The following IGFN1 variants were observed in gnomAD, a reference collection of about 807,000 sequenced individuals.
The protein encoded by IGFN1 is immunoglobulin-like and fibronectin type III domain-containing protein 1.
In IGFN1, 253 loss-of-function variants were observed where a neutral mutation model predicts 289.5. That is an observed-to-expected ratio of 0.87 (90% confidence interval 0.79 to 0.97). The LOEUF (loss-of-function observed/expected upper bound fraction) is 0.97, where lower values mean the gene tolerates loss of function less well. IGFN1 is among the 50% of genes least tolerant of loss of function. The pLI, the probability that IGFN1 is intolerant of heterozygous loss-of-function variation, is 0.00. For missense variants in IGFN1, 4,470 were observed against 4,686.1 expected, an observed-to-expected ratio of 0.95 and a Z score of 1.35; for synonymous variants, 1,706 against 1,788.5, an observed-to-expected ratio of 0.95 and a Z score of 1.16.
chr1:201,226,886 G>A lies in IGFN1; in HGVS notation c.10791G>A (p.Arg3597=), dbSNP rs141878663. The A allele has an allele frequency of 1.3e-6, 2 of 1,581,704 alleles. No homozygotes were observed. Among genetic ancestry groups the A allele is most frequent in the African/African-American group, 1.3e-5 (1 of 74,106 alleles). ...TCACCCCGGCTTTCACCACAGACAG[G>A]TTCACAGTGAAGGCTCCGTGCTACC... ...QPWCIPRQRD[R]FTVKAPCYRE... is the part of the protein sequence containing the mutation. The change falls in exon 23 of 24, where the codon AGG becomes AGA. Residue 3597 remains arginine, a synonymous_variant. Coordinates refer to ENST00000335211, the MANE Select transcript of IGFN1 (RefSeq NM_001164586.2).
At chr1:201,196,107 CTCCAT>C in intron 4 of IGFN1, 129 bp downstream of exon 4, 5 of 956,590 alleles carry the variant, frequency 5.2e-6, no homozygotes, top group Non-Finnish European at 4.5e-6. Context: ...ATCCATTCAA[CTCCAT>C]CTCGTGACTC....
Position 201,213,501 on chromosome 1 carries a change from G to C in IGFN1, c.8608G>C (p.Gly2870Arg). Reference protein sequence around the residue: ...DQSREPPGHLGSRRSGKDGRL... With the variant: ...DQSREPPGHLRSRRSGKDGRL... ...GAGCCGGGAGCCCCCTGGTCACCTTGGTAGCAGGAGAAGTGGCAAAGACGG... is the reference window on the plus strand; with the variant it reads ...GAGCCGGGAGCCCCCTGGTCACCTTCGTAGCAGGAGAAGTGGCAAAGACGG... The change falls in exon 12 of 24, where the codon GGT becomes CGT. Residue 2870 changes from glycine to arginine, a missense_variant. Around this residue, in one of 8 missense-constraint regions of IGFN1, gnomAD observed 2,218 missense variants for 2,114.1 expected, o/e 1.05. Coordinates refer to ENST00000335211, the MANE Select transcript of IGFN1 (RefSeq NM_001164586.2). The C allele has an allele frequency of 6.2e-7, 1 of 1,614,072 alleles. No homozygotes were observed. The highest frequency in any genetic ancestry group is 8.5e-7 in the Non-Finnish European group (1 of 1,179,972).
At position 201,209,393 on chromosome 1, in the gene IGFN1, G is replaced by A. The variant is rs372462219; in HGVS notation, c.4500G>A (p.Gly1500=). ...AGGCAGGCTATAGGAAAGATTTGGG[G>A]GTTTCTGAGGGAGGGGGTTCAGGGA... ...LIEAGYRKDL[G]VSEGGGSGSK... The change falls in exon 12 of 24, where the codon GGG becomes GGA. Residue 1500 remains glycine (G), a synonymous_variant. Transcript: ENST00000335211. 8.6e-6 allele frequency: 13 copies of A among 1,520,336 alleles called. No homozygotes were observed. In the East Asian group the frequency reaches 9.8e-5, roughly 11 times the overall value. The allele number at this position is 1,520,336 out of a possible 1,614,324, so 94.2% of individuals were successfully genotyped here.
In IGFN1 at chr1:201,206,381, G is replaced by A. The variant is rs1171669861; in HGVS notation, c.1488G>A (p.Glu496=). 5 of 1,550,520 alleles carry A rather than the reference G, an allele frequency of 3.2e-6. No individual in the cohort carries two copies. The South Asian group carries it at 5.9e-5, about 18-fold the overall frequency. The change falls in exon 12 of 24, where the codon GAG becomes GAA. Residue 496 remains glutamate, a synonymous_variant. Coordinates refer to ENST00000335211, the MANE Select transcript of IGFN1 (RefSeq NM_001164586.2). The part of the protein sequence containing the change: ...GQEGEGFPVA[E]GSRATLPREN... Reference sequence around the variant, plus strand: ...AGGGCGAGGGCTTTCCAGTAGCAGAGGGAAGCAGAGCCACTCTTCCCAGGG... The same window carrying A: ...AGGGCGAGGGCTTTCCAGTAGCAGAAGGAAGCAGAGCCACTCTTCCCAGGG...
In IGFN1 at chr1:201,214,308, C is replaced by T. The variant is rs41308361; in HGVS notation, c.8853+7C>T. ...GTTTAAGGATGGCGTCAAGGTACTG[C>T]CTCCCCTCACACCTTCTCTTTACCA... On this transcript the variant is annotated splice_region_variant and intron_variant, in intron 13 of 23. Coordinates refer to ENST00000335211, the MANE Select transcript of IGFN1 (RefSeq NM_001164586.2). 11,348 of 1,603,794 alleles carry T rather than the reference C, an allele frequency of 7.1e-3. 66 individuals carry two copies. The highest frequency in any genetic ancestry group is 8.7e-3 in the Non-Finnish European group (10,147 of 1,172,244).
Position 201,206,438 on chromosome 1 carries a change from C to T in IGFN1, c.1545C>T (p.Ala515=), listed in dbSNP as rs1270803794. The part of the protein sequence containing the change: ...ENQSHREGGW[A]RSLAERPHLQ... Reference sequence around the variant, plus strand: ...AATCCCACAGAGAGGGAGGCTGGGCCAGAAGCCTTGCAGAGAGGCCCCATC... The same window carrying T: ...AATCCCACAGAGAGGGAGGCTGGGCTAGAAGCCTTGCAGAGAGGCCCCATC... The change falls in exon 12 of 24, where the codon GCC becomes GCT. Residue 515 remains alanine (A), a synonymous_variant. Coordinates refer to ENST00000335211, the MANE Select transcript of IGFN1 (RefSeq NM_001164586.2). 2 of 1,551,074 alleles carry T rather than the reference C, an allele frequency of 1.3e-6. No individual in the cohort carries two copies. The highest frequency in any genetic ancestry group is 1.7e-6 in the Non-Finnish European group (2 of 1,146,996).
At position 201,216,624 on chromosome 1, in the gene IGFN1, G is replaced by T. The variant is rs143770388; in HGVS notation, c.9466G>T (p.Ala3156Ser). The change falls in exon 16 of 24, where the codon GCT becomes TCT. Residue 3156 changes from alanine (A) to serine (S), a missense_variant. Around this residue, in one of 8 missense-constraint regions of IGFN1, gnomAD observed 2,218 missense variants for 2,114.1 expected, o/e 1.05. Transcript: ENST00000335211. ...STWLKVGEAP[A>S]DSTTFTDAHV... ...TTGGCTGAAGGTGGGCGAGGCCCCCGCTGACAGCACCACCTTCACGGATGC... is the reference window on the plus strand; with the variant it reads ...TTGGCTGAAGGTGGGCGAGGCCCCCTCTGACAGCACCACCTTCACGGATGC... The T allele has an allele frequency of 6.2e-7, 1 of 1,613,890 alleles. No individual in the cohort carries two copies. The highest frequency in any genetic ancestry group is 8.5e-7 in the Non-Finnish European group (1 of 1,179,910).
At chr1:201,201,669 G>A (rs910858912) in intron 8 of IGFN1, 50 bp from the exon 9 acceptor site, 25 of 1,013,336 alleles carry the variant, frequency 2.5e-5, no homozygotes, top group South Asian at 4.1e-5. Flanking sequence ...AGAGTACCCC[G>A]AAGAGAGAGC....
At position 201,211,736 on chromosome 1, in the gene IGFN1, G is replaced by T; in HGVS notation, c.6843G>T (p.Gly2281=). The T allele has an allele frequency of 6.5e-7, 1 of 1,536,922 alleles. No individual in the cohort carries two copies. Among genetic ancestry groups the T allele is most frequent in the Non-Finnish European group, 8.7e-7 (1 of 1,146,770 alleles). The part of the protein sequence containing the change: ...GLGSSGKISS[G]DEAGYKNVLG... ...GCAGTTCTGGAAAAATCAGTTCAGGGGATGAGGCAGGTTATAAGAATGTTT... is the reference window on the plus strand; with the variant it reads ...GCAGTTCTGGAAAAATCAGTTCAGGTGATGAGGCAGGTTATAAGAATGTTT... The change falls in exon 12 of 24, where the codon GGG becomes GGT. Residue 2281 remains glycine, a synonymous_variant. Coordinates refer to ENST00000335211, the MANE Select transcript of IGFN1 (RefSeq NM_001164586.2).
intron 15 of IGFN1, chr1:201,216,099 T>G (rs2102356460): frequency 1.5e-6 from 1 of 683,950 alleles, no homozygotes; most frequent in East Asian, 2.8e-5. Context: ...CCTCAGGAAG[T>G]TGCTGGGTAG....
Position 201,206,973 on chromosome 1 carries a change from T to C in IGFN1, c.2080T>C (p.Ser694Pro), listed in dbSNP as rs1667456812. 6.5e-7 allele frequency: 1 copy of C among 1,536,046 alleles called. No homozygotes were observed. The highest frequency in any genetic ancestry group is 2.0e-5 in the Admixed American group (1 of 50,942). Residue 694 changes from serine (S) to proline (P), a missense_variant, in exon 12 of 24, where the codon TCC becomes CCC. By Grantham distance (74) the Ser-to-Pro change is moderately conservative. Around this residue, in one of 8 missense-constraint regions of IGFN1, gnomAD observed 2,011 missense variants for 1,953.4 expected, o/e 1.03. Transcript: ENST00000335211. ...CTCCAAGGTGGGCATGGCCCCTGAA[T>C]CCTGGGGTTCTCAGGGAGGTAGAGA... Reference protein sequence around the residue: ...SGSKVGMAPESWGSQGGRDAD... With the variant: ...SGSKVGMAPEPWGSQGGRDAD...
In IGFN1 at chr1:201,200,759, T is replaced by C. The variant is rs1317510032; in HGVS notation, c.633+348T>C. On this transcript the variant is annotated intron_variant, in intron 8 of 23. Coordinates refer to ENST00000335211, the MANE Select transcript of IGFN1 (RefSeq NM_001164586.2). ...AGAGAATGTAATTAAAGTACTTAGCTTAGTGCCTTGATTTTTGCTATCATT... is the reference window on the plus strand; with the variant it reads ...AGAGAATGTAATTAAAGTACTTAGCCTAGTGCCTTGATTTTTGCTATCATT... Among the ~76,000 whole-genome samples the C allele has an allele frequency of 2.6e-5, 4 of 152,216 alleles. No homozygotes were observed. The East Asian group carries it at 7.7e-4, about 29-fold the overall frequency.
In IGFN1 at chr1:201,206,222, C is replaced by G. The variant is rs1667412244; in HGVS notation, c.1329C>G (p.Gly443=). ...CCAGAGAGCAGGGCCCCAGGGGGGG[C>G]TCCCTTGAAGGGGCTGGGCCGGCTT... ...EKSREQGPRG[G]SLEGAGPASG... The change falls in exon 12 of 24, where the codon GGC becomes GGG. Residue 443 remains glycine, a synonymous_variant. Transcript: ENST00000335211. The G allele has an allele frequency of 2.6e-6, 4 of 1,547,920 alleles. No individual in the cohort carries two copies. The Middle Eastern group carries it at 6.7e-4, about 259-fold the overall frequency.
rs375527471 is a variant in IGFN1, at chr1:201,215,584, C to T, written c.9041C>T (p.Pro3014Leu). 6.2e-7 allele frequency: 1 copy of T among 1,608,462 alleles called. No individual in the cohort carries two copies. Among genetic ancestry groups the T allele is most frequent in the Non-Finnish European group, 8.5e-7 (1 of 1,177,528 alleles). The part of the protein sequence containing the change: ...APDVTEKLRE[P>L]LVVKAGKPVI... ...GATGTGACAGAGAAACTGAGAGAGC[C>T]ACTGGTGGTCAAGGCTGGGAAGCCG... Residue 3014 changes from proline (P) to leucine (L), a missense_variant, in exon 15 of 24, where the codon CCA (proline) becomes CTA (leucine). Pro to Leu is a moderately conservative substitution (Grantham distance 98, BLOSUM62 -3). This residue lies in a region of IGFN1 where 2,218 missense variants were observed against 2,114.1 expected (regional missense o/e 1.05). Transcript: ENST00000335211.
Position 201,209,662 on chromosome 1 carries a change from G to A in IGFN1, c.4769G>A (p.Gly1590Asp). 6.5e-7 allele frequency: 1 copy of A among 1,536,426 alleles called. No individual in the cohort carries two copies. Among genetic ancestry groups the A allele is most frequent in the Non-Finnish European group, 8.7e-7 (1 of 1,146,328 alleles). ...SKASFRDGLG[G>D]SGEMGSVNEA... is the part of the protein sequence containing the mutation. ...GCAAGTTTTAGGGATGGTTTAGGAG[G>A]TTCTGGAGAAATGGGGTCAGTGAAT... The change falls in exon 12 of 24, where the codon GGT becomes GAT. Residue 1590 changes from glycine (G) to aspartate (D), a missense_variant. Gly to Asp is a moderately conservative substitution (Grantham distance 94). Coordinates refer to ENST00000335211, the MANE Select transcript of IGFN1 (RefSeq NM_001164586.2).
In IGFN1 at chr1:201,211,109, G is replaced by T. The variant is rs779081695; in HGVS notation, c.6216G>T (p.Lys2072Asn). The T allele has an allele frequency of 1.2e-4, 182 of 1,508,100 alleles. No homozygotes were observed. Among genetic ancestry groups the T allele is most frequent in the Non-Finnish European group, 1.4e-4 (159 of 1,129,340 alleles). 93.4% of individuals were successfully genotyped at this position (1,508,100 alleles called of 1,614,324 possible). The change falls in exon 12 of 24, where the codon AAG (lysine) becomes AAT (asparagine). Residue 2072 changes from lysine to asparagine, a missense_variant. Lys to Asn is a moderately conservative substitution (Grantham distance 94). Transcript: ENST00000335211. ...CAGTGAATGAGGCAGGTTATAGGAAGGATTTAGGGGCTCCTAAGGGAATGG... is the reference window on the plus strand; with the variant it reads ...CAGTGAATGAGGCAGGTTATAGGAATGATTTAGGGGCTCCTAAGGGAATGG... ...MGSVNEAGYRKDLGAPKGMGS... is the reference protein window; with the variant it reads ...MGSVNEAGYRNDLGAPKGMGS...
chr1:201,227,449 C>T (rs1436717941), intron 23 of IGFN1, among the ~76,000 whole-genome samples: 8 of 148,898 alleles, frequency 5.4e-5, no homozygotes, highest in South Asian at 2.1e-4. Context: ...TTTTTTGAGA[C>T]GGAGTTTCGC....
chr1:201,199,528 C>A, intron 6 of IGFN1, 81 bp from the exon 7 acceptor site: 2 of 1,440,232 alleles, frequency 1.4e-6, no homozygotes, highest in East Asian at 2.5e-5. Context: ...CAGTTGTCAG[C>A]ATGGACAACA....
In IGFN1 at chr1:201,213,147, G is replaced by A. The variant is rs1416967366; in HGVS notation, c.8254G>A (p.Asp2752Asn). 1.4e-5 allele frequency: 22 copies of A among 1,551,694 alleles called. No homozygotes were observed. The South Asian group carries it at 2.0e-4, about 14-fold the overall frequency. The change falls in exon 12 of 24, where the codon GAT (aspartate) becomes AAT (asparagine). Residue 2752 changes from aspartate (D) to asparagine (N), a missense_variant. Around this residue, in one of 8 missense-constraint regions of IGFN1, gnomAD observed 2,218 missense variants for 2,114.1 expected, o/e 1.05. Coordinates refer to ENST00000335211, the MANE Select transcript of IGFN1 (RefSeq NM_001164586.2). The part of the protein sequence containing the change: ...DGPFGRKASR[D>N]RSGGTQDLSS... ...TCCCTTTGGCAGAAAAGCCTCTAGAGATAGGTCAGGAGGGACCCAGGACCT... is the reference window on the plus strand; with the variant it reads ...TCCCTTTGGCAGAAAAGCCTCTAGAAATAGGTCAGGAGGGACCCAGGACCT...
Sources: gnomAD v4.1 joint callset for allele counts (sites outside exome capture counted in the v4.1 genomes callset) on GRCh38, gnomAD v4.1.1 for gene constraint, gnomAD v4.1.1 regional missense constraint, MANE v1.5 for transcripts, NCBI Gene and HGNC (gene_info 2026-07-23, HGNC 2026-07-21) for gene names.